Variants in ADGRA3 observed in about 807,000 individuals in gnomAD.
ADGRA3 encodes adhesion G protein-coupled receptor A3, also known as G-protein coupled receptor 125.
ADGRA3 carries 56 observed loss-of-function variants against 119.8 expected under a neutral mutation model. The observed-to-expected ratio is 0.47, with a 90% CI of 0.38 to 0.58. ADGRA3 has a LOEUF of 0.58. ADGRA3 is among the 20% of genes least tolerant of loss of function. The probability of loss-of-function intolerance (pLI) is 0.00; values close to 1 mark genes in which losing one functional copy is unlikely to be tolerated. For synonymous variants in ADGRA3, 607 were observed against 623.8 expected (o/e 0.97, Z 0.40); for missense variants, 1,516 against 1,649.0 (o/e 0.92, Z 1.40).
chr4:22,470,386 T>A (rs1422077454), intron 2 of ADGRA3, among the ~76,000 whole-genome samples: 3 of 151,772 alleles, frequency 2.0e-5, no homozygotes, highest in African/African-American at 7.3e-5. Context: ...CACTGCTATC[T>A]TCCTACATGG....
In ADGRA3 at chr4:22,424,320, G is replaced by A; in HGVS notation, c.1476C>T (p.Asn492=). 1 of 1,613,808 alleles carries A rather than the reference G, an allele frequency of 6.2e-7. No individual in the cohort carries two copies. The highest frequency in any genetic ancestry group is 8.5e-7 in the Non-Finnish European group (1 of 1,179,788). Residue 492 remains asparagine (N), a synonymous_variant, in exon 11 of 19, where the codon AAC becomes AAT. Transcript: ENST00000334304. Reference sequence around the variant, plus strand: ...GGACACGTTCATCAGCCAACATGATGTTACTTGCAATGTCAACCATCACGT... The same window carrying A: ...GGACACGTTCATCAGCCAACATGATATTACTTGCAATGTCAACCATCACGT... ...LGDVMVDIAS[N]IMLADERVLW...
chr4:22,400,471 A>G (rs993057584), intron 16 of ADGRA3, among the ~76,000 whole-genome samples: 2 of 152,216 alleles, frequency 1.3e-5, no homozygotes, highest in African/African-American at 4.8e-5. Flanking sequence ...TTCCACTTAT[A>G]TGAGGTATCT....
At chr4:22,409,261 T>C (rs1715086307) in intron 14 of ADGRA3, among the ~76,000 whole-genome samples, 1 of 152,182 alleles carries the variant, frequency 6.6e-6, no homozygotes, top group African/African-American at 2.4e-5. Flanking sequence ...CTTTGGAGAA[T>C]TTGTCTCACA....
chr4:22,488,709 C>T (rs568835141), intron 1 of ADGRA3, among the ~76,000 whole-genome samples: 1 of 152,148 alleles, frequency 6.6e-6, no homozygotes, highest in Non-Finnish European at 1.5e-5. Context: ...CAAAAGCAGA[C>T]AGACCTGAGT....
chr4:22,424,131 G>A, intron 11 of ADGRA3, 60 bp downstream of exon 11: 1 of 1,464,354 alleles, frequency 6.8e-7, no homozygotes, highest in Non-Finnish European at 9.3e-7. Flanking sequence ...ATCTCTTTCG[G>A]GTGAGAGCTG....
At chr4:22,459,521 G>T in intron 3 of ADGRA3, among the ~76,000 whole-genome samples, 1 of 151,860 alleles carries the variant, frequency 6.6e-6, no homozygotes, top group African/African-American at 2.4e-5. Context: ...TAAGACAGAC[G>T]ATGTCAAAAG....
At chr4:22,401,196 G>T (rs1209240861) in intron 16 of ADGRA3, among the ~76,000 whole-genome samples, 3 of 152,244 alleles carry the variant, frequency 2.0e-5, no homozygotes, top group Middle Eastern at 3.4e-3. Context: ...GCCATAACGT[G>T]TAACACTAAA....
At chr4:22,468,511 G>A (rs1484211686) in intron 2 of ADGRA3, among the ~76,000 whole-genome samples, 1 of 152,140 alleles carries the variant, frequency 6.6e-6, no homozygotes, top group African/African-American at 2.4e-5. Context: ...TCACACATCT[G>A]TAATCCCAGC....
chr4:22,483,839 T>C (rs1718330381), intron 1 of ADGRA3, among the ~76,000 whole-genome samples: 2 of 152,190 alleles, frequency 1.3e-5, no homozygotes, highest in South Asian at 4.1e-4. Flanking sequence ...CAGAGAAATA[T>C]CAAATCTCTC....
At chr4:22,498,239 C>T (rs894138109) in intron 1 of ADGRA3, among the ~76,000 whole-genome samples, 5 of 100,704 alleles carry the variant, frequency 5.0e-5, no homozygotes, top group Non-Finnish European at 7.7e-5. Context: ...AAAAGCGAAA[C>T]GAGTTTCACA....
rs151118666 is a variant in ADGRA3 at position 22,511,049 on chromosome 4, C to T, written c.257+4479G>A. Among the ~76,000 whole-genome samples, 504 of 152,282 alleles carry T rather than the reference C, an allele frequency of 3.3e-3. 2 individuals are homozygous for T. The highest frequency in any genetic ancestry group is 0.012 in the African/African-American group (478 of 41,552). On this transcript the variant is annotated intron_variant, in intron 1 of 18. Coordinates refer to ENST00000334304, the MANE Select transcript of ADGRA3 (RefSeq NM_145290.4). ...AAACATGAAGAACCAAAACTCTACA[C>T]ACTATTTTAGTGTGTTAGTCTGAGA...
intron 1 of ADGRA3, among the ~76,000 whole-genome samples, chr4:22,475,949 T>C (rs1352378311): frequency 1.3e-5 from 2 of 152,112 alleles, no homozygotes; most frequent in African/African-American, 2.4e-5. Flanking sequence ...TTTTAAAAAA[T>C]GTTTTCTGAA....
At chr4:22,401,594 T>C (rs757600576) in intron 15 of ADGRA3, 40 bp from the exon 16 acceptor site, 21 of 1,484,034 alleles carry the variant, frequency 1.4e-5, no homozygotes, top group East Asian at 2.3e-5. Context: ...TTCAGGCTAG[T>C]ACATAAGGAG....
intron 1 of ADGRA3, among the ~76,000 whole-genome samples, chr4:22,511,895 C>CTTT (rs5856700): frequency 0.015 from 1,578 of 102,582 alleles, 136 homozygotes; most frequent in African/African-American, 0.051. Flanking sequence ...TTCTTTCTTT[C>CTTT]TTTTTTTTTT....
In ADGRA3 at chr4:22,388,197, T is replaced by C; in HGVS notation, c.3474A>G (p.Leu1158=). 6.2e-7 allele frequency: 1 copy of C among 1,614,150 alleles called. No individual in the cohort carries two copies. Among genetic ancestry groups the C allele is most frequent in the Non-Finnish European group, 8.5e-7 (1 of 1,180,008 alleles). Residue 1158 remains leucine (L), a synonymous_variant, in exon 19 of 19, where the codon TTA becomes TTG. Coordinates refer to ENST00000334304, the MANE Select transcript of ADGRA3 (RefSeq NM_145290.4). ...GCACATTTGTTCGAAACTGAACTTCTAAAGGCGCCACGTGCATTTTAATAT... is the reference window on the plus strand; with the variant it reads ...GCACATTTGTTCGAAACTGAACTTCCAAAGGCGCCACGTGCATTTTAATAT... ...DNDIKMHVAP[L]EVQFRTNVHS...
intron 16 of ADGRA3, among the ~76,000 whole-genome samples, chr4:22,399,001 T>A (rs1714494461): frequency 6.6e-6 from 1 of 152,208 alleles, no homozygotes; most frequent in African/African-American, 2.4e-5. Context: ...TGTAAAAGGA[T>A]CCTGTGGGTC....
At chr4:22,447,719 A>G (rs183395015) in intron 4 of ADGRA3, among the ~76,000 whole-genome samples, 42 of 152,312 alleles carry the variant, frequency 2.8e-4, no homozygotes, top group African/African-American at 8.9e-4. Context: ...AAAGTAGTAA[A>G]TACAATTATT....
At chr4:22,403,386 T>C (rs972330831) in intron 14 of ADGRA3, among the ~76,000 whole-genome samples, 1 of 151,808 alleles carries the variant, frequency 6.6e-6, no homozygotes, top group African/African-American at 2.4e-5. Flanking sequence ...CAATGTTTGA[T>C]GAAGATAAGT....
At chr4:22,494,195 A>C in intron 1 of ADGRA3, among the ~76,000 whole-genome samples, 1 of 148,002 alleles carries the variant, frequency 6.8e-6, no homozygotes. Context: ...ACAGAGCAAG[A>C]CTCTGTCTCA....
Sources: gnomAD v4.1 joint callset for allele counts (sites outside exome capture counted in the v4.1 genomes callset) on GRCh38, gnomAD v4.1.1 for gene constraint, MANE v1.5 for transcripts, NCBI Gene and HGNC (gene_info 2026-07-23, HGNC 2026-07-21) for gene names.